The following SLC24A2 variants were observed in gnomAD, a reference collection of about 807,000 sequenced individuals.
SLC24A2 encodes the protein sodium/potassium/calcium exchanger 2.
In SLC24A2, 36 loss-of-function variants were observed where a neutral mutation model predicts 62.0. That is an observed-to-expected ratio of 0.58 (90% CI 0.44 to 0.77). The LOEUF (loss-of-function observed/expected upper bound fraction) is 0.77, where lower values mean the gene tolerates loss of function less well. SLC24A2 is among the 30% of genes least tolerant of loss of function. The pLI is 0.00. For missense variants in SLC24A2, 846 were observed against 817.9 expected, an observed-to-expected ratio of 1.03 and a Z score of -0.42; for synonymous variants, 358 against 294.0, an observed-to-expected ratio of 1.22 and a Z score of -2.23.
At chr9:19,720,702 A>C (rs949987006) in intron 2 of SLC24A2, among the ~76,000 whole-genome samples, 36 of 132,718 alleles carry the variant, frequency 2.7e-4, no homozygotes, top group African/African-American at 9.7e-4. Context: ...CCCCCCCCCA[A>C]AAAAAATCAC....
At chr9:19,977,365 G>A in the SLC24A2 span, among the ~76,000 whole-genome samples, 1 of 152,200 alleles carries the variant, frequency 6.6e-6, no homozygotes, top group East Asian at 1.9e-4. Flanking sequence ...TGGGTGGCTT[G>A]GGATGGTGGG....
chr9:19,862,064 G>C, the SLC24A2 span, among the ~76,000 whole-genome samples: 4 of 152,102 alleles, frequency 2.6e-5, no homozygotes, highest in African/African-American at 9.7e-5. Flanking sequence ...CTCAAATCCA[G>C]AGAAAGATAT....
At chr9:19,555,068 C>G (rs1349784400) in intron 7 of SLC24A2, among the ~76,000 whole-genome samples, 1 of 152,124 alleles carries the variant, frequency 6.6e-6, no homozygotes, top group African/African-American at 2.4e-5. Flanking sequence ...GGACTTAACA[C>G]TGGTTTTCTT....
At chr9:20,113,273 C>A in the SLC24A2 span, among the ~76,000 whole-genome samples, 2 of 152,104 alleles carry the variant, frequency 1.3e-5, no homozygotes, top group African/African-American at 4.8e-5. Flanking sequence ...CTCCCTGGAG[C>A]CAAATCCTGG....
chr9:20,256,884 AC>A, the SLC24A2 span, among the ~76,000 whole-genome samples: 1 of 151,604 alleles, frequency 6.6e-6, no homozygotes, highest in Non-Finnish European at 1.5e-5. Context: ...AAGAAAGGAA[AC>A]CAAAAAGAAA....
At chr9:19,580,006 C>G (rs1836154164) in intron 5 of SLC24A2, among the ~76,000 whole-genome samples, 1 of 152,216 alleles carries the variant, frequency 6.6e-6, no homozygotes, top group Admixed American at 6.5e-5. Flanking sequence ...TCTCAAATAT[C>G]TTACAGGCCA....
At chr9:20,226,494 A>C in the SLC24A2 span, among the ~76,000 whole-genome samples, 1 of 152,158 alleles carries the variant, frequency 6.6e-6, no homozygotes, top group South Asian at 2.1e-4. Context: ...ACCGTGGTTC[A>C]CAACATGTGG....
the SLC24A2 span, among the ~76,000 whole-genome samples, chr9:19,959,541 C>T: frequency 6.6e-6 from 1 of 152,216 alleles, no homozygotes; most frequent in Non-Finnish European, 1.5e-5. Context: ...TACTGTATCA[C>T]TGTAAATTAG....
At chr9:19,713,912 T>C (rs1465306098) in intron 2 of SLC24A2, among the ~76,000 whole-genome samples, 1 of 152,264 alleles carries the variant, frequency 6.6e-6, no homozygotes, top group African/African-American at 2.4e-5. Context: ...CCAAGTAAAT[T>C]GCACATTTTG....
Position 19,529,082 on chromosome 9 carries a change from T to C in SLC24A2, c.1480-944A>G, listed in dbSNP as rs115123057. 7.9e-3 allele frequency among the ~76,000 whole-genome samples: 1,205 copies of C among 152,272 alleles called. 18 individuals are homozygous for C. Among genetic ancestry groups the C allele is most frequent in the African/African-American group, 0.028 (1,156 of 41,554 alleles). The stretch of plus-strand genomic sequence containing the variant: ...AAATTGGGGTCTTTTAAAAACACAC[T>C]CAGACAGCACAATGCTGTCAGAGAG... On this transcript the variant is annotated intron_variant, in intron 8 of 10. Transcript: ENST00000341998.
At chr9:19,629,313 T>A (rs1253104334) in intron 2 of SLC24A2, among the ~76,000 whole-genome samples, 6 of 152,188 alleles carry the variant, frequency 3.9e-5, no homozygotes, top group African/African-American at 1.4e-4. Context: ...TAAAAAATAG[T>A]TCACATATAT....
chr9:19,744,631 A>G (rs1258266771), intron 2 of SLC24A2, among the ~76,000 whole-genome samples: 1 of 152,186 alleles, frequency 6.6e-6, no homozygotes, highest in African/African-American at 2.4e-5. Context: ...CCAAAAGTAG[A>G]TGGGAATCTG....
chr9:20,068,957 C>G, the SLC24A2 span, among the ~76,000 whole-genome samples: 1 of 152,158 alleles, frequency 6.6e-6, no homozygotes, highest in Non-Finnish European at 1.5e-5. Flanking sequence ...ACAAATATAA[C>G]AGCTGATTAG....
chr9:19,751,781 A>G (rs1029159293), intron 2 of SLC24A2, among the ~76,000 whole-genome samples: 2 of 152,054 alleles, frequency 1.3e-5, no homozygotes, highest in Non-Finnish European at 2.9e-5. Flanking sequence ...CTCTTTCTTT[A>G]GCAAATATGT....
At chr9:19,569,575 A>C (rs1285307119) in intron 7 of SLC24A2, among the ~76,000 whole-genome samples, 6 of 152,044 alleles carry the variant, frequency 3.9e-5, no homozygotes, top group Non-Finnish European at 8.8e-5. Flanking sequence ...TCTTTCCCTC[A>C]AGGCCTGCAA....
intron 3 of SLC24A2, among the ~76,000 whole-genome samples, chr9:19,620,645 T>G (rs1817886640): frequency 6.6e-6 from 1 of 152,158 alleles, no homozygotes; most frequent in Admixed American, 6.5e-5. Flanking sequence ...TTTTGATGGG[T>G]TTTTATCCTG....
chr9:19,810,854 C>G, the SLC24A2 span, among the ~76,000 whole-genome samples: 5 of 152,050 alleles, frequency 3.3e-5, no homozygotes, highest in Non-Finnish European at 7.4e-5. Flanking sequence ...GCATAGTTGA[C>G]TAGAAAAATA....
chr9:19,666,781 G>C (rs1410551865), intron 2 of SLC24A2, among the ~76,000 whole-genome samples: 1 of 152,032 alleles, frequency 6.6e-6, no homozygotes, highest in Non-Finnish European at 1.5e-5. Context: ...TCCTTTCCCT[G>C]AGGTTATAGT....
At chr9:20,231,945 CG>C in the SLC24A2 span, among the ~76,000 whole-genome samples, 1 of 151,924 alleles carries the variant, frequency 6.6e-6, no homozygotes, top group African/African-American at 2.4e-5. Context: ...TTAGCATGAA[CG>C]GTTGTTGAAT....
Sources: allele counts gnomAD v4.1 joint callset (sites outside exome capture counted in the v4.1 genomes callset), GRCh38; gene constraint gnomAD v4.1.1; transcripts MANE v1.5; gene names NCBI Gene and HGNC (gene_info 2026-07-23, HGNC 2026-07-21).